Variants in ITGA4 observed in about 807,000 individuals in gnomAD.
The protein encoded by ITGA4 is integrin alpha-4.
In ITGA4, 63 loss-of-function variants were observed where a neutral mutation model predicts 133.6. That is an observed-to-expected ratio of 0.47 (90% CI 0.38 to 0.58). The LOEUF is 0.58. Ranked by LOEUF, ITGA4 falls within the 20% of genes least tolerant of loss-of-function variation. The pLI, the probability that ITGA4 is intolerant of heterozygous loss-of-function variation, is 0.00. For synonymous variants in ITGA4, 483 were observed against 438.0 expected (o/e 1.10, Z -1.28); for missense variants, 1,076 against 1,252.7 (o/e 0.86, Z 2.13).
In ITGA4 at chr2:181,511,772, T is replaced by C; in HGVS notation, c.1919T>C (p.Leu640Ser). The C allele has an allele frequency of 6.6e-7, 1 of 1,515,184 alleles. No individual in the cohort carries two copies. Among genetic ancestry groups the C allele is most frequent in the Non-Finnish European group, 9.2e-7 (1 of 1,090,734 alleles). 93.9% of individuals were successfully genotyped at this position (1,515,184 alleles called of 1,614,324 possible). A position where few individuals can be genotyped will look rare whatever the true frequency, so the allele number is the denominator to read the frequency against. Residue 640 changes from leucine to serine, a missense_variant, in exon 17 of 28, where the codon TTG becomes TCG. Coordinates refer to ENST00000397033, the MANE Select transcript of ITGA4 (RefSeq NM_000885.6). Reference sequence around the variant, plus strand: ...CAGGTTTCTGCAAAGATTGGGTTTTTGAAGTAAGTATATGTGGTATATAGT... The same window carrying C: ...CAGGTTTCTGCAAAGATTGGGTTTTCGAAGTAAGTATATGTGGTATATAGT... ...DLQVSAKIGF[L>S]KPHENKTYLA...
At chr2:181,462,022 ATTAAT>A (rs769787176) in intron 2 of ITGA4, among the ~76,000 whole-genome samples, 84 of 152,212 alleles carry the variant, frequency 5.5e-4, no homozygotes, top group Middle Eastern at 3.4e-3. Context: ...GTTAAATAAA[ATTAAT>A]TTTATTTTTA....
intron 15 of ITGA4, among the ~76,000 whole-genome samples, chr2:181,503,854 T>C (rs1275497231): frequency 6.6e-6 from 1 of 152,038 alleles, no homozygotes; most frequent in Non-Finnish European, 1.5e-5. Flanking sequence ...TATTTAAATA[T>C]ACAACTTCAT....
At chr2:181,475,870 G>T in intron 4 of ITGA4, 1 of 1,599,344 alleles carries the variant, frequency 6.3e-7, no homozygotes, top group South Asian at 1.1e-5. Context: ...AGCAGAATTG[G>T]GGTGAATGTC....
intron 24 of ITGA4, 131 bp downstream of exon 24, chr2:181,530,780 G>T (rs1173779740): frequency 1.3e-6 from 1 of 783,794 alleles, no homozygotes; most frequent in Non-Finnish European, 2.1e-6. Flanking sequence ...GTATTCTTGC[G>T]TGGAAGGAAC....
intron 17 of ITGA4, among the ~76,000 whole-genome samples, chr2:181,514,649 G>A (rs1686571777): frequency 6.6e-6 from 1 of 152,152 alleles, no homozygotes; most frequent in Non-Finnish European, 1.5e-5. Context: ...TTGATAAGAA[G>A]ACGAGCTGTG....
chr2:181,478,064 T>C (rs1685717535), intron 4 of ITGA4, among the ~76,000 whole-genome samples: 1 of 152,080 alleles, frequency 6.6e-6, no homozygotes, highest in African/African-American at 2.4e-5. Flanking sequence ...AAATTCTGAC[T>C]TTTGTGACAA....
At chr2:181,489,814 C>A (rs1686004692) in intron 10 of ITGA4, among the ~76,000 whole-genome samples, 1 of 152,186 alleles carries the variant, frequency 6.6e-6, no homozygotes, top group African/African-American at 2.4e-5. Context: ...ACCTCTTTCC[C>A]TTCTGAGTCT....
At chr2:181,488,433 C>T (rs934417621) in intron 10 of ITGA4, among the ~76,000 whole-genome samples, 1 of 152,144 alleles carries the variant, frequency 6.6e-6, no homozygotes, top group Non-Finnish European at 1.5e-5. Context: ...AATATTCCTG[C>T]ATATTTTTGT....
chr2:181,520,075 T>C (rs1329042486), intron 17 of ITGA4, among the ~76,000 whole-genome samples: 1 of 152,046 alleles, frequency 6.6e-6, no homozygotes, highest in Admixed American at 6.6e-5. Context: ...GACTTGACAT[T>C]GTGAAAATAC....
At chr2:181,482,449 C>T (rs1325871440) in intron 8 of ITGA4, 27 bp downstream of exon 8, 1 of 1,613,464 alleles carries the variant, frequency 6.2e-7, no homozygotes, top group Non-Finnish European at 8.5e-7. Flanking sequence ...TTTAGTATCT[C>T]TGTGGGCTTT....
At chr2:181,532,311 T>C (rs1686961136) in intron 25 of ITGA4, among the ~76,000 whole-genome samples, 1 of 152,224 alleles carries the variant, frequency 6.6e-6, no homozygotes, top group East Asian at 1.9e-4. Flanking sequence ...GGTAGCTTGA[T>C]GGGAGTAGCC....
intron 24 of ITGA4, 24 bp downstream of exon 24, chr2:181,530,673 T>C: frequency 6.3e-7 from 1 of 1,599,902 alleles, no homozygotes; most frequent in East Asian, 2.2e-5. Flanking sequence ...TTTCAGGTTG[T>C]AGTTCCTGCT....
chr2:181,500,581 G>A (rs1325958460), intron 15 of ITGA4, among the ~76,000 whole-genome samples: 4 of 152,078 alleles, frequency 2.6e-5, no homozygotes, highest in Non-Finnish European at 5.9e-5. Context: ...TACCAGGAGT[G>A]GGAATGTTAA....
At chr2:181,511,437 T>TC (rs1482351810) in intron 16 of ITGA4, among the ~76,000 whole-genome samples, 1 of 152,078 alleles carries the variant, frequency 6.6e-6, no homozygotes, top group Non-Finnish European at 1.5e-5. Context: ...TAACTTTTTT[T>TC]CCAAATCTTA....
At chr2:181,529,738 G>A in intron 23 of ITGA4, 90 bp downstream of exon 23, 1 of 684,410 alleles carries the variant, frequency 1.5e-6, no homozygotes, top group Non-Finnish European at 2.6e-6. Flanking sequence ...GTAATGATGT[G>A]AAAATGGATA....
intron 2 of ITGA4, among the ~76,000 whole-genome samples, chr2:181,469,147 A>C (rs1685487837): frequency 6.6e-6 from 1 of 152,216 alleles, no homozygotes; most frequent in Admixed American, 6.5e-5. Context: ...CAGTTCTAAT[A>C]ATCGTCATTT....
At chr2:181,472,658 T>C (rs1685582423) in intron 2 of ITGA4, among the ~76,000 whole-genome samples, 1 of 152,228 alleles carries the variant, frequency 6.6e-6, no homozygotes, top group Non-Finnish European at 1.5e-5. Flanking sequence ...GAAAATTGTA[T>C]TATAATGAAA....
chr2:181,529,053 C>T (rs1686888834), intron 22 of ITGA4, among the ~76,000 whole-genome samples: 2 of 152,258 alleles, frequency 1.3e-5, no homozygotes, highest in South Asian at 4.1e-4. Flanking sequence ...AGTGCTTTTG[C>T]GATAACATCA....
intron 15 of ITGA4, among the ~76,000 whole-genome samples, chr2:181,500,198 T>C (rs1243595414): frequency 1.3e-5 from 2 of 152,176 alleles, no homozygotes; most frequent in African/African-American, 4.8e-5. Context: ...TTTCTCTTCC[T>C]AAGTTACCTT....
Sources: gnomAD v4.1 joint callset for allele counts (sites outside exome capture counted in the v4.1 genomes callset) on GRCh38, gnomAD v4.1.1 for gene constraint, MANE v1.5 for transcripts, NCBI Gene and HGNC (gene_info 2026-07-23, HGNC 2026-07-21) for gene names.